The following RBFOX1 variants were observed in gnomAD, a reference collection of about 807,000 sequenced individuals.
The protein encoded by RBFOX1 is RNA binding protein fox-1 homolog 1.
A neutral mutation model predicts 57.7 loss-of-function variants in RBFOX1; 8 were observed. The ratio of observed to expected loss-of-function variants is 0.14; its 90% CI spans 0.08 to 0.25. The LOEUF is 0.25. RBFOX1 is among the 10% of genes least tolerant of loss of function. The pLI, the probability that RBFOX1 is intolerant of heterozygous loss-of-function variation, is 1.00. For synonymous variants in RBFOX1, 326 were observed against 222.4 expected (o/e 1.47, Z -4.15); for missense variants, 611 against 548.5 (o/e 1.11, Z -1.14).
chr16:5,920,902 C>G (rs899041701), intron 4 of RBFOX1, among the ~76,000 whole-genome samples: 4 of 112,634 alleles, frequency 3.6e-5, no homozygotes, highest in African/African-American at 1.2e-4. Context: ...ATGGAGTTGT[C>G]TATTTGTACG....
chr16:7,174,769 G>A (rs184586220), intron 4 of RBFOX1, among the ~76,000 whole-genome samples: 1 of 152,286 alleles, frequency 6.6e-6, no homozygotes, highest in African/African-American at 2.4e-5. Context: ...GACAAAGCGA[G>A]ACTCAGTCTC....
chr16:5,627,138 G>GA (rs963695633), intron 3 of RBFOX1, among the ~76,000 whole-genome samples: 1 of 152,102 alleles, frequency 6.6e-6, no homozygotes, highest in African/African-American at 2.4e-5. Context: ...TTAAGATGCT[G>GA]AAAAAATCCA....
intron 3 of RBFOX1, among the ~76,000 whole-genome samples, chr16:6,978,569 C>G (rs1431045883): frequency 2.3e-5 from 3 of 131,844 alleles, no homozygotes; most frequent in Admixed American, 7.3e-5. Context: ...GAGCCCCTTT[C>G]TCCTTTCTAT....
At chr16:6,668,587 C>T (rs759986746) in intron 3 of RBFOX1, among the ~76,000 whole-genome samples, 41 of 152,110 alleles carry the variant, frequency 2.7e-4, no homozygotes, top group African/African-American at 4.8e-4. Flanking sequence ...CCTAGGTGCT[C>T]GAGAAGCCTT....
intron 1 of RBFOX1, among the ~76,000 whole-genome samples, chr16:6,180,681 T>C (rs1357546640): frequency 1.3e-5 from 2 of 152,088 alleles, no homozygotes; most frequent in Non-Finnish European, 2.9e-5. Context: ...TTCTCCTGCC[T>C]CAGCCTCCTG....
intron 2 of RBFOX1, among the ~76,000 whole-genome samples, chr16:6,323,391 C>T (rs1192868823): frequency 6.6e-6 from 1 of 152,130 alleles, no homozygotes; most frequent in Non-Finnish European, 1.5e-5. Context: ...TCTGTCTTCC[C>T]CACTGGACTG....
At chr16:7,417,524 G>GCGATTGTGTGTGT (rs2098493443) in intron 4 of RBFOX1, among the ~76,000 whole-genome samples, 1 of 139,862 alleles carries the variant, frequency 7.1e-6, no homozygotes, top group Non-Finnish European at 1.5e-5. Flanking sequence ...AGCTTCACAT[G>GCGATTGTGTGTGT]GTATTGTGTG....
chr16:7,250,960 T>C (rs977830102), intron 4 of RBFOX1, among the ~76,000 whole-genome samples: 3 of 152,210 alleles, frequency 2.0e-5, no homozygotes, highest in African/African-American at 7.2e-5. Context: ...TATTGTGGAA[T>C]GGCGAAGTCA....
chr16:5,736,720 C>T (rs926081659), intron 3 of RBFOX1, among the ~76,000 whole-genome samples: 7 of 151,882 alleles, frequency 4.6e-5, no homozygotes, highest in African/African-American at 1.7e-4. Context: ...CTCTCTCTGC[C>T]CCCTCCCCTC....
intron 3 of RBFOX1, among the ~76,000 whole-genome samples, chr16:5,785,940 C>G (rs1001815337): frequency 3.3e-5 from 5 of 152,140 alleles, no homozygotes; most frequent in Non-Finnish European, 7.4e-5. Flanking sequence ...GAAACCACCC[C>G]CCATTTCCAT....
intron 10 of RBFOX1, among the ~76,000 whole-genome samples, chr16:7,610,136 T>TTTTTTTTTTTTTTTC: frequency 7.1e-6 from 1 of 140,318 alleles, no homozygotes; most frequent in Non-Finnish European, 1.5e-5. Context: ...TTTTTTTTTT[T>TTTTTTTTTTTTTTTC]TTTGAGGCAG....
chr16:5,667,946 G>A (rs986003152), intron 3 of RBFOX1, among the ~76,000 whole-genome samples: 4 of 152,144 alleles, frequency 2.6e-5, no homozygotes, highest in African/African-American at 9.7e-5. Context: ...ACCACTTTGA[G>A]GGGATGGCAG....
intron 2 of RBFOX1, among the ~76,000 whole-genome samples, chr16:5,505,872 C>T (rs1463882499): frequency 3.3e-5 from 5 of 152,096 alleles, no homozygotes; most frequent in East Asian, 1.9e-4. Flanking sequence ...CTCACCCTGC[C>T]ATGACATTTC....
chr16:5,802,564 G>A (rs1455793124), intron 3 of RBFOX1, among the ~76,000 whole-genome samples: 1 of 152,094 alleles, frequency 6.6e-6, no homozygotes, highest in Non-Finnish European at 1.5e-5. Context: ...GTTAACCTAC[G>A]GGGAGAAAGT....
chr16:7,401,416 G>C (rs79818637), intron 4 of RBFOX1, among the ~76,000 whole-genome samples: 10,899 of 152,244 alleles, frequency 0.072, 451 homozygotes, highest in East Asian at 0.19. Flanking sequence ...AATAATGATA[G>C]GTGTTTTGGG....
chr16:6,610,383 A>G (rs930543629), intron 2 of RBFOX1, among the ~76,000 whole-genome samples: 7 of 152,246 alleles, frequency 4.6e-5, no homozygotes, highest in Non-Finnish European at 8.8e-5. Context: ...GCTGGAGTGC[A>G]GTGGTGCAAT....
chr16:6,551,149 G>T (rs1190062696), intron 2 of RBFOX1, among the ~76,000 whole-genome samples: 2 of 152,020 alleles, frequency 1.3e-5, no homozygotes, highest in African/African-American at 4.8e-5. Flanking sequence ...CAAAGCAAAG[G>T]GCTTCCCTGT....
At chr16:5,511,423 A>T (rs2043588093) in intron 2 of RBFOX1, among the ~76,000 whole-genome samples, 1 of 151,818 alleles carries the variant, frequency 6.6e-6, no homozygotes, top group East Asian at 1.9e-4. Flanking sequence ...CTCTTTTTTC[A>T]TTTTGTCCTT....
At chr16:7,140,586 T>G (rs777097033) in intron 4 of RBFOX1, among the ~76,000 whole-genome samples, 12 of 152,160 alleles carry the variant, frequency 7.9e-5, no homozygotes. Context: ...ATCTTTCTAT[T>G]TTTTTAAAGG....
Sources: allele counts gnomAD v4.1 joint callset (sites outside exome capture counted in the v4.1 genomes callset), GRCh38; gene constraint gnomAD v4.1.1; transcripts MANE v1.5; gene names NCBI Gene and HGNC (gene_info 2026-07-23, HGNC 2026-07-21).